MTO1: variants seen among roughly 807,000 people sequenced by gnomAD.
MTO1 encodes the protein 5-taurinomethyluridine-[tRNA] synthase subunit MTO1, mitochondrial.
A neutral mutation model predicts 71.6 loss-of-function variants in MTO1; 46 were observed. The observed-to-expected ratio is 0.64, with a 90% CI of 0.51 to 0.82. The LOEUF is 0.82. Among genes scored for constraint, MTO1 ranks in the 40% least tolerant of loss-of-function variants. The probability of loss-of-function intolerance (pLI) is 0.00; values close to 1 mark genes in which losing one functional copy is unlikely to be tolerated. For missense variants in MTO1, 773 were observed against 867.5 expected (o/e 0.89, Z 1.37); for synonymous variants, 297 against 312.1 (o/e 0.95, Z 0.51).
At chr6:73,472,403 A>C (rs748000543) in intron 3 of MTO1, among the ~76,000 whole-genome samples, 2 of 152,134 alleles carry the variant, frequency 1.3e-5, no homozygotes, top group Admixed American at 6.6e-5. Flanking sequence ...TCTAAAATTA[A>C]TTAATTTTTT....
intron 3 of MTO1, among the ~76,000 whole-genome samples, chr6:73,467,644 T>TAAATAAATAAATAA (rs1373451890): frequency 2.1e-4 from 11 of 52,248 alleles, no homozygotes; most frequent in African/African-American, 1.7e-4. Flanking sequence ...TAAATAAATA[T>TAAATAAATAAATAA]AAAAGAAATT....
Position 73,504,560 on chromosome 6 carries a change from A to G in MTO1, c.*3825A>G, listed in dbSNP as rs1482186152. The G allele has an allele frequency of 1.3e-5, 2 of 152,200 alleles. No homozygotes were observed. Among genetic ancestry groups the G allele is most frequent in the Non-Finnish European group, 2.9e-5 (2 of 68,050 alleles). 9.4% of individuals were successfully genotyped at this position (152,200 alleles called of 1,614,324 possible). The stretch of plus-strand genomic sequence containing the variant: ...AATACTACTAAAGGCAAGAAATGGT[A>G]TTACTAAAACTCAAGTGAATAATTA... On this transcript the variant is annotated 3_prime_UTR_variant, in exon 12 of 12. Transcript: ENST00000498286.
chr6:73,480,531 A>C, intron 6 of MTO1, 144 bp from the exon 7 acceptor site: 1 of 1,053,358 alleles, frequency 9.5e-7, no homozygotes, highest in Non-Finnish European at 1.4e-6. Context: ...TGGCCCCCCA[A>C]AGTGCTGAGA....
At chr6:73,500,232 A>C (rs1031087762) in intron 11 of MTO1, among the ~76,000 whole-genome samples, 1 of 152,170 alleles carries the variant, frequency 6.6e-6, no homozygotes, top group Non-Finnish European at 1.5e-5. Flanking sequence ...AAGAATTTCA[A>C]ATAAGGGACT....
chr6:73,482,167 A>G lies in MTO1; in HGVS notation c.1388A>G (p.Tyr463Cys). The G allele has an allele frequency of 6.2e-7, 1 of 1,614,088 alleles. No homozygotes were observed. ...ACTACTCTGGGCACCAGTGAACCAT[A>G]CCGCATGTTTACCAGCCGAGTAGAG... ...DLTTLGTSEP[Y>C]RMFTSRVEFR... Residue 463 changes from tyrosine to cysteine, a missense_variant, in exon 8 of 12, where the codon TAC becomes TGC. Transcript: ENST00000498286.
At position 73,500,439 on chromosome 6, in the gene MTO1, TTAAGA is replaced by T. The variant is rs1395706688; in HGVS notation, c.1918-131_1918-127del. 8 of 665,766 alleles carry T rather than the reference TTAAGA, an allele frequency of 1.2e-5. No homozygotes were observed. In the South Asian group the frequency reaches 3.1e-4, roughly 26 times the overall value. The allele number at this position is 665,766 out of a possible 1,614,324, so 41.2% of individuals were successfully genotyped here. A position where few individuals can be genotyped will look rare whatever the true frequency, so the allele number is the denominator to read the frequency against. ...TTTATCTACTTTACAAGGAAATATGTTAAGATAATACATCAAAATAATAATTAAGA... is the reference window on the plus strand; with the variant it reads ...TTTATCTACTTTACAAGGAAATATGTTAATACATCAAAATAATAATTAAGA... On this transcript the variant is annotated intron_variant, in intron 11 of 11. Transcript: ENST00000498286.
intron 6 of MTO1, chr6:73,480,443 T>A: frequency 1.0e-5 from 6 of 591,142 alleles, no homozygotes; most frequent in Non-Finnish European, 1.2e-5. Context: ...GCTAATTTTG[T>A]ATTTTTAGTA....
At chr6:73,470,686 G>T (rs913081898) in intron 3 of MTO1, among the ~76,000 whole-genome samples, 3 of 152,068 alleles carry the variant, frequency 2.0e-5, no homozygotes, top group Non-Finnish European at 4.4e-5. Context: ...TGTGATTATG[G>T]CTCACACCTA....
At position 73,465,408 on chromosome 6, in the gene MTO1, C is replaced by T. The variant is rs575320817; in HGVS notation, c.218-801C>T. Among the ~76,000 whole-genome samples the T allele has an allele frequency of 1.2e-4, 19 of 152,172 alleles. No individual in the cohort carries two copies. The South Asian group carries it at 3.3e-3, about 27-fold the overall frequency. ...CAAACTTCTGAGCTCCAGCAATCCA[C>T]CCTCTTTGGCCTCCCAAAGTGCTAG... On this transcript the variant is annotated intron_variant, in intron 1 of 11. Transcript: ENST00000498286.
chr6:73,466,120 A>C (rs1770977505), intron 1 of MTO1, 89 bp from the exon 2 acceptor site: 1 of 1,127,102 alleles, frequency 8.9e-7, no homozygotes, highest in Non-Finnish European at 1.3e-6. Flanking sequence ...TGAGATGATT[A>C]TAGTCACCTG....
Position 73,507,849 on chromosome 6 carries a change from C to A in MTO1, c.*7114C>A, listed in dbSNP as rs1486667220. ...AAAATTAGCCGGGTGTGGTGGTGCG[C>A]GCCTGTAGTCCCAGCTACTCGGGAG... On this transcript the variant is annotated 3_prime_UTR_variant, in exon 12 of 12. Transcript: ENST00000498286. 1 of 152,024 alleles carries A rather than the reference C, an allele frequency of 6.6e-6. No individual in the cohort carries two copies. The highest frequency in any genetic ancestry group is 2.4e-5 in the African/African-American group (1 of 41,416). 9.4% of individuals were successfully genotyped at this position (152,024 alleles called of 1,614,324 possible).
At chr6:73,475,986 G>A (rs1382100091) in intron 4 of MTO1, among the ~76,000 whole-genome samples, 7 of 152,140 alleles carry the variant, frequency 4.6e-5, no homozygotes, top group African/African-American at 1.7e-4. Flanking sequence ...TGGAGAACCC[G>A]ACACTGAACC....
chr6:73,488,919 AAACAAC>A (rs574365970), intron 9 of MTO1, among the ~76,000 whole-genome samples: 6 of 152,190 alleles, frequency 3.9e-5, no homozygotes, highest in East Asian at 1.9e-4. Flanking sequence ...TCCGTCTAAA[AAACAAC>A]AACAACAACA....
At chr6:73,496,551 G>C (rs1320519183) in intron 10 of MTO1, among the ~76,000 whole-genome samples, 1 of 149,194 alleles carries the variant, frequency 6.7e-6, no homozygotes, top group African/African-American at 2.5e-5. Flanking sequence ...AGTTACATAT[G>C]TATACATGTG....
rs565419715 is a variant in MTO1 at position 73,496,797 on chromosome 6, A to G, written c.1757-939A>G. On this transcript the variant is annotated intron_variant, in intron 10 of 11. Transcript: ENST00000498286. ...CAGCCGGGCATGGTGGCTCATGCCT[A>G]TAATCCCAGCACTTTGGGAGGCCAA... is the stretch of plus-strand genomic sequence containing the variant. 5.7e-4 allele frequency among the ~76,000 whole-genome samples: 87 copies of G among 152,030 alleles called. 1 individual carries two copies. The highest frequency in any genetic ancestry group is 2.0e-3 in the African/African-American group (85 of 41,498).
Position 73,482,465 on chromosome 6 carries a change from C to CT in MTO1, c.1483dup (p.Cys495LeufsTer8). On this transcript the variant is annotated frameshift_variant, in exon 9 of 12. Transcript: ENST00000498286. LOFTEE classifies it high-confidence loss of function. The stretch of plus-strand genomic sequence containing the variant: ...CTTCCCTAGGGTATAAAGACGCTGG[C>CT]TGTGTGTCCCAACAACGATATGAAA... 6.2e-7 allele frequency: 1 copy of CT among 1,612,594 alleles called. No homozygotes were observed. The highest frequency in any genetic ancestry group is 8.5e-7 in the Non-Finnish European group (1 of 1,179,688).
chr6:73,465,198 T>C (rs1770948435), intron 1 of MTO1, among the ~76,000 whole-genome samples: 1 of 151,838 alleles, frequency 6.6e-6, no homozygotes, highest in Non-Finnish European at 1.5e-5. Flanking sequence ...GGAGTCACTG[T>C]TGTCACCCAG....
rs1582666090 is a variant in MTO1 at position 73,461,954 on chromosome 6, A to C, written c.100A>C (p.Thr34Pro). 2 of 1,613,948 alleles carry C rather than the reference A, an allele frequency of 1.2e-6. No individual in the cohort carries two copies. Among genetic ancestry groups the C allele is most frequent in the African/African-American group, 1.3e-5 (1 of 74,968 alleles). The stretch of plus-strand genomic sequence containing the variant: ...GAGCAGTGACAGCGCGGCGCCCCGG[A>C]CTCCGCACTTCGACGTGATAGTCAT... ...RLSSDSAAPR[T>P]PHFDVIVIGG... Residue 34 changes from threonine to proline, a missense_variant, in exon 1 of 12, where the codon ACT becomes CCT. Physicochemically the swap from Thr to Pro is conservative, Grantham distance 38. Transcript: ENST00000498286.
In MTO1 at chr6:73,461,768, C is replaced by G. The variant is rs778946838; in HGVS notation, c.-87C>G. On this transcript the variant is annotated 5_prime_UTR_variant, in exon 1 of 12. Coordinates refer to ENST00000498286, the MANE Select transcript of MTO1 (RefSeq NM_012123.4). ...CCCCGTGATATTAAAGCAAGATGGCCGCGCCCTGCAGATTGTCTCTTGTTG... is the reference window on the plus strand; with the variant it reads ...CCCCGTGATATTAAAGCAAGATGGCGGCGCCCTGCAGATTGTCTCTTGTTG... 60 of 1,413,196 alleles carry G rather than the reference C, an allele frequency of 4.2e-5. No homozygotes were observed. The African/African-American group carries it at 7.9e-4, about 19-fold the overall frequency. 87.5% of individuals were successfully genotyped at this position (1,413,196 alleles called of 1,614,324 possible). A position where few individuals can be genotyped will look rare whatever the true frequency, so the allele number is the denominator to read the frequency against.
Sources: allele counts gnomAD v4.1 joint callset (sites outside exome capture counted in the v4.1 genomes callset), GRCh38; gene constraint gnomAD v4.1.1; transcripts MANE v1.5; gene names NCBI Gene and HGNC (gene_info 2026-07-23, HGNC 2026-07-21).